The following CYP2A6 variants were observed in gnomAD, a reference collection of about 807,000 sequenced individuals.
The protein encoded by CYP2A6 is cytochrome P450 2A6.
In CYP2A6, 27 loss-of-function variants were observed where a neutral mutation model predicts 42.3. That is an observed-to-expected ratio of 0.64 (90% CI 0.47 to 0.88). The LOEUF (loss-of-function observed/expected upper bound fraction) is 0.88. CYP2A6 is among the 40% of genes least tolerant of loss of function. The pLI, the probability that CYP2A6 is intolerant of heterozygous loss-of-function variation, is 0.00. For missense variants in CYP2A6, 628 were observed against 646.0 expected, an observed-to-expected ratio of 0.97 and a Z score of 0.30; for synonymous variants, 238 against 246.3, an observed-to-expected ratio of 0.97 and a Z score of 0.31.
chr19:40,849,777 T>G, intron 2 of CYP2A6, 41 bp downstream of exon 2: 2 of 1,607,606 alleles, frequency 1.2e-6, no homozygotes, highest in East Asian at 2.3e-5. Flanking sequence ...GAGACCTTCG[T>G]GTCCACCTGG....
In CYP2A6 at chr19:40,850,092, G is replaced by A. The variant is rs1967193194; in HGVS notation, c.181-112C>T. The stretch of plus-strand genomic sequence containing the variant: ...TCGCACCCAGGTTCTCACAGTCAGG[G>A]AGCTGGACATCCCAAGATCCTGTCT... On this transcript the variant is annotated intron_variant, in intron 1 of 8. Transcript: ENST00000301141. 1.5e-5 allele frequency: 23 copies of A among 1,540,880 alleles called. 1 individual carries two copies. The highest frequency in any genetic ancestry group is 5.5e-5 in the African/African-American group (4 of 72,488).
At chr19:40,848,893 T>G (rs549252695) in intron 2 of CYP2A6, 130 bp from the exon 3 acceptor site, 2 of 1,058,492 alleles carry the variant, frequency 1.9e-6, no homozygotes, top group Admixed American at 2.5e-5. Context: ...TTCAGCGCCA[T>G]TGCCCAGCAG....
In CYP2A6 at chr19:40,850,443, T is replaced by C. The variant is rs770479084; in HGVS notation, c.-17A>G. ...GGCCAGCATGGTGGTAGTGGGATGA[T>C]AGATGGTGACGGCTGGGGTGGTTTG... On this transcript the variant is annotated 5_prime_UTR_variant, in exon 1 of 9. Transcript: ENST00000301141. 2.0e-4 allele frequency: 318 copies of C among 1,603,044 alleles called. 5 individuals are homozygous for C. The highest frequency in any genetic ancestry group is 2.2e-4 in the Non-Finnish European group (263 of 1,174,070).
rs767380497 is a variant in CYP2A6, at chr19:40,850,338, T to C, written c.89A>G (p.Lys30Arg). Residue 30 changes from lysine (K) to arginine (R), a missense_variant, in exon 1 of 9, where the codon AAG becomes AGG. Lys to Arg is a conservative substitution (Grantham distance 26, BLOSUM62 2). Coordinates refer to ENST00000301141, the MANE Select transcript of CYP2A6 (RefSeq NM_000762.6). Reference protein sequence around the residue: ...LMSVWQQRKSKGKLPPGPTPL... With the variant: ...LMSVWQQRKSRGKLPPGPTPL... ...GGTGGGTCCCGGAGGCAGCTTCCCC[T>C]TGCTCTTCCTCTGCTGCCAAACAGA... 86 of 1,609,920 alleles carry C rather than the reference T, an allele frequency of 5.3e-5. 2 individuals are homozygous for C. Among genetic ancestry groups the C allele is most frequent in the African/African-American group, 9.4e-5 (7 of 74,478 alleles).
chr19:40,848,197 G>T, intron 4 of CYP2A6, 22 bp downstream of exon 4: 3 of 1,610,160 alleles, frequency 1.9e-6, no homozygotes, highest in African/African-American at 1.3e-5. Flanking sequence ...GGGGCGTCAC[G>T]GGCCGGGCTG....
chr19:40,845,853 C>G, intron 6 of CYP2A6, 103 bp downstream of exon 6: 2 of 1,517,892 alleles, frequency 1.3e-6, no homozygotes, highest in Non-Finnish European at 1.8e-6. Flanking sequence ...CAGCAAGTCA[C>G]GTCTCAGGGT....
intron 2 of CYP2A6, among the ~76,000 whole-genome samples, chr19:40,849,021 GGAGAGAGAGAGAGAAGAGAGAGAGGAGA>G (rs1967166088): frequency 4.0e-5 from 2 of 50,116 alleles, no homozygotes; most frequent in African/African-American, 1.8e-4. Flanking sequence ...AAGAGAGAGA[GGAGAGAGAGAGAGAAGAGAGAGAGGAGA>G]GAGAGAGAGA....
In CYP2A6 at chr19:40,850,432, T is replaced by C. The variant is rs755519888; in HGVS notation, c.-6A>G. The C allele has an allele frequency of 3.1e-6, 5 of 1,606,538 alleles. No homozygotes were observed. Among genetic ancestry groups the C allele is most frequent in the African/African-American group, 2.7e-5 (2 of 74,544 alleles). On this transcript the variant is annotated 5_prime_UTR_variant, in exon 1 of 9. Coordinates refer to ENST00000301141, the MANE Select transcript of CYP2A6 (RefSeq NM_000762.6). Reference sequence around the variant, plus strand: ...AGCATCCCTGAGGCCAGCATGGTGGTAGTGGGATGATAGATGGTGACGGCT... The same window carrying C: ...AGCATCCCTGAGGCCAGCATGGTGGCAGTGGGATGATAGATGGTGACGGCT...
At chr19:40,848,993 A>AGAG (rs1967160778) in intron 2 of CYP2A6, among the ~76,000 whole-genome samples, 1 of 114,634 alleles carries the variant, frequency 8.7e-6, no homozygotes, top group African/African-American at 3.8e-5. Context: ...GAGAGGAGAG[A>AGAG]GAGAGAGAGA....
In CYP2A6 at chr19:40,844,623, T is replaced by C. The variant is rs766561565; in HGVS notation, c.1303+8A>G. 6 of 1,611,200 alleles carry C rather than the reference T, an allele frequency of 3.7e-6. No homozygotes were observed. The highest frequency in any genetic ancestry group is 2.3e-5 in the East Asian group (1 of 43,304). On this transcript the variant is annotated splice_region_variant and intron_variant, in intron 8 of 8. Transcript: ENST00000301141. ...GCCGTGGCCTGGCAGCAAACAGTGG[T>C]CTCTTACCGATGGAAAAGGGCACAA...
At chr19:40,846,652 G>A (rs547061178) in intron 5 of CYP2A6, among the ~76,000 whole-genome samples, 1 of 151,618 alleles carries the variant, frequency 6.6e-6, no homozygotes, top group East Asian at 2.0e-4. Context: ...GTTTGACCAT[G>A]TTGGCCAGGC....
intron 2 of CYP2A6, among the ~76,000 whole-genome samples, 158 bp downstream of exon 2, chr19:40,849,660 A>G (rs540630208): frequency 4.6e-4 from 69 of 151,454 alleles, no homozygotes; most frequent in South Asian, 8.4e-4. Context: ...GGTGAGGGAT[A>G]CACATGGAGA....
In CYP2A6 at chr19:40,846,943, T is replaced by C. The variant is rs1256545387; in HGVS notation, c.763A>G (p.Asn255Asp). 3.7e-6 allele frequency: 6 copies of C among 1,611,984 alleles called. No homozygotes were observed. The stretch of plus-strand genomic sequence containing the variant: ...GAATTGGGATCCAGCGTGCGCTGGT[T>C]GTGCTCCACCTTCTTGGCTATGAAG... The part of the protein sequence containing the change: ...EDFIAKKVEH[N>D]QRTLDPNSPR... Residue 255 changes from asparagine to aspartate, a missense_variant, in exon 5 of 9, where the codon AAC (asparagine) becomes GAC (aspartate). Asn to Asp is a conservative substitution (Grantham distance 23). This residue lies in a region of CYP2A6 where 606 missense variants were observed against 568.1 expected (regional missense o/e 1.07). Transcript: ENST00000301141.
rs200390640 is a variant in CYP2A6, at chr19:40,848,797, A to G, written c.344-34T>C. On this transcript the variant is annotated intron_variant, in intron 2 of 8. Transcript: ENST00000301141. ...GTGAACGCGGGAATGGAGACAGGCC[A>G]GGGGGCGGCAGGGGCAGGAGCGGAG... The G allele has an allele frequency of 2.6e-3, 4,076 of 1,586,108 alleles. 38 individuals carry two copies. The highest frequency in any genetic ancestry group is 2.7e-3 in the Non-Finnish European group (3,167 of 1,166,716).
chr19:40,849,011 A>AGAGAGAGG (rs1332332247), intron 2 of CYP2A6, among the ~76,000 whole-genome samples: 4 of 50,754 alleles, frequency 7.9e-5, no homozygotes, highest in African/African-American at 2.8e-4. Context: ...AGAGAGAGAG[A>AGAGAGAGG]AGAGAGAGAG....
chr19:40,848,119 T>A, intron 4 of CYP2A6, 100 bp downstream of exon 4: 4 of 1,564,690 alleles, frequency 2.6e-6, no homozygotes, highest in Middle Eastern at 1.7e-4. Context: ...GAGGGGACAC[T>A]GTCTGGAGGG....
rs1443303514 is a variant in CYP2A6 at position 40,846,904 on chromosome 19, T to G, written c.802A>C (p.Ile268Leu). 6.2e-7 allele frequency: 1 copy of G among 1,612,090 alleles called. No individual in the cohort carries two copies. Among genetic ancestry groups the G allele is most frequent in the Admixed American group, 1.7e-5 (1 of 60,002 alleles). The change falls in exon 5 of 9, where the codon ATT (isoleucine) becomes CTT (leucine). Residue 268 changes from isoleucine (I) to leucine (L), a missense_variant. By Grantham distance (5) the Ile-to-Leu change is conservative (BLOSUM62 2). Transcript: ENST00000301141. ...TGCATGCGGATGAGAAAGGAGTCAA[T>G]GAAGTCCCGTGGGGAATTGGGATCC... ...TLDPNSPRDF[I>L]DSFLIRMQEE...
Position 40,849,872 on chromosome 19 carries a change from C to A in CYP2A6, c.289G>T (p.Glu97Ter). ...GCTTGCTCGCCTCGCCCGCTGAACT[C>A]CTCAGCCTGGTCCACCAGAGCCTCC... ...VREALVDQAE[E>*]FSGRGEQATF... The change falls in exon 2 of 9, where the codon GAG (glutamate) becomes TAG (stop). Residue 97 changes from glutamate to a stop codon, truncating the protein, a stop_gained. Coordinates refer to ENST00000301141, the MANE Select transcript of CYP2A6 (RefSeq NM_000762.6). LOFTEE classifies it high-confidence loss of function. The A allele has an allele frequency of 6.2e-7, 1 of 1,611,542 alleles. No homozygotes were observed. The highest frequency in any genetic ancestry group is 2.3e-5 in the East Asian group (1 of 43,392).
chr19:40,846,465 T>C (rs780075053), intron 5 of CYP2A6, among the ~76,000 whole-genome samples: 7 of 151,308 alleles, frequency 4.6e-5, no homozygotes, highest in African/African-American at 7.3e-5. Context: ...GAACTGCACA[T>C]GCGCATGACC....
Sources: allele counts gnomAD v4.1 joint callset (sites outside exome capture counted in the v4.1 genomes callset), GRCh38; gene constraint gnomAD v4.1.1; regional missense constraint gnomAD v4.1.1; transcripts MANE v1.5; gene names NCBI Gene and HGNC (gene_info 2026-07-23, HGNC 2026-07-21).